Variants in MRPS30 observed in about 807,000 individuals in gnomAD.
MRPS30 encodes the protein mitochondrial ribosomal protein S30.
A neutral mutation model predicts 43.8 loss-of-function variants in MRPS30; 42 were observed. The observed-to-expected ratio is 0.96, with a 90% confidence interval of 0.75 to 1.24. The LOEUF is 1.24. Ranked by LOEUF, MRPS30 falls within the 50% of genes most tolerant of loss-of-function variation. The pLI is 0.00. For missense variants in MRPS30, 638 were observed against 570.0 expected, an observed-to-expected ratio of 1.12 and a Z score of -1.22; for synonymous variants, 273 against 228.2, an observed-to-expected ratio of 1.20 and a Z score of -1.77.
Position 44,813,132 on chromosome 5 carries a change from T to TA in MRPS30, c.881dup (p.Tyr294Ter). 1.2e-6 allele frequency: 2 copies of TA among 1,613,260 alleles called. No homozygotes were observed. The highest frequency in any genetic ancestry group is 1.7e-6 in the Non-Finnish European group (2 of 1,179,674). Residue 294 changes from tyrosine (Y) to a stop codon, truncating the protein, a stop_gained and frameshift_variant, in exon 4 of 5, where the codon TAC becomes TAAC. Transcript: ENST00000507110. LOFTEE classifies it high-confidence loss of function. ...CTCAAAAACTGCAGATCCTTGCTGTTACGGTCACACCCAGTTTCATCTGTT... is the reference window on the plus strand; with the variant it reads ...CTCAAAAACTGCAGATCCTTGCTGTTAACGGTCACACCCAGTTTCATCTGTT... ...VGSKTADPCC[Y>*]GHTQFHLLPD...
In MRPS30 at chr5:44,809,552, C is replaced by T. The variant is rs756545235; in HGVS notation, c.590C>T (p.Ala197Val). Residue 197 changes from alanine to valine, a missense_variant, in exon 1 of 5, where the codon GCT becomes GTT. Transcript: ENST00000507110. ...LLSPHNPALA[A>V]AALDYRCPVH... Reference sequence around the variant, plus strand: ...AGCCCACACAACCCGGCCCTGGCCGCTGCCGCCCTCGGTGAGCCTTGGATT... The same window carrying T: ...AGCCCACACAACCCGGCCCTGGCCGTTGCCGCCCTCGGTGAGCCTTGGATT... 14 of 1,596,112 alleles carry T rather than the reference C, an allele frequency of 8.8e-6. No individual in the cohort carries two copies. The highest frequency in any genetic ancestry group is 1.2e-5 in the Non-Finnish European group (14 of 1,171,434).
At position 44,814,980 on chromosome 5, in the gene MRPS30, C is replaced by T. The variant is rs1482417567; in HGVS notation, c.1098C>T (p.Tyr366=). Residue 366 remains tyrosine (Y), a synonymous_variant, in exon 5 of 5, where the codon TAC becomes TAT. Transcript: ENST00000507110. The stretch of plus-strand genomic sequence containing the variant: ...AGGCTGTGATCACAGATGGAAAATA[C>T]TTTTCCTTTTTCTGCTACCAGCTAA... The part of the protein sequence containing the change: ...VSQAVITDGK[Y]FSFFCYQLNT... 1.2e-6 allele frequency: 2 copies of T among 1,613,632 alleles called. No homozygotes were observed. Among genetic ancestry groups the T allele is most frequent in the Non-Finnish European group, 1.7e-6 (2 of 1,179,632 alleles).
At chr5:44,810,857 A>G (rs1742828921) in intron 1 of MRPS30, 152 bp from the exon 2 acceptor site, 1 of 618,010 alleles carries the variant, frequency 1.6e-6, no homozygotes, top group Non-Finnish European at 2.7e-6. Flanking sequence ...GTTATATTTA[A>G]GTCATAATAG....
chr5:44,810,435 A>G (rs1383526254), intron 1 of MRPS30, among the ~76,000 whole-genome samples: 1 of 152,186 alleles, frequency 6.6e-6, no homozygotes, highest in Non-Finnish European at 1.5e-5. Context: ...TCATTATTTT[A>G]TATCTTCTAC....
At position 44,809,139 on chromosome 5, in the gene MRPS30, G is replaced by T. The variant is rs768731374; in HGVS notation, c.177G>T (p.Arg59=). The change falls in exon 1 of 5, where the codon CGG becomes CGT. Residue 59 remains arginine, a synonymous_variant. Transcript: ENST00000507110. ...TGACAGCCGACAGCAAAGCTGCACG[G>T]CTGCGGCGGATCGAGCGCTGGCAGG... ...ASMTADSKAA[R]LRRIERWQAT... 1.2e-5 allele frequency: 19 copies of T among 1,611,740 alleles called. No individual in the cohort carries two copies. The highest frequency in any genetic ancestry group is 1.6e-5 in the Non-Finnish European group (19 of 1,179,496).
At chr5:44,814,762 T>A (rs1284579630) in intron 4 of MRPS30, 151 bp from the exon 5 acceptor site, 2 of 676,826 alleles carry the variant, frequency 3.0e-6, no homozygotes, top group African/African-American at 1.8e-5. Flanking sequence ...AGAATAGAGA[T>A]GATAAGGAAA....
intron 3 of MRPS30, 117 bp downstream of exon 3, chr5:44,812,137 T>C (rs1392715828): frequency 5.4e-6 from 3 of 551,030 alleles, no homozygotes; most frequent in Non-Finnish European, 9.4e-6. Context: ...TTACATAGTC[T>C]ATGAGCAATA....
At chr5:44,810,208 G>A (rs1344990258) in intron 1 of MRPS30, among the ~76,000 whole-genome samples, 1 of 151,912 alleles carries the variant, frequency 6.6e-6, no homozygotes, top group Non-Finnish European at 1.5e-5. Context: ...GCAATGTTTT[G>A]GTAAATGAAA....
In MRPS30 at chr5:44,812,027, TTC is replaced by T. The variant is rs543225240; in HGVS notation, c.853+11_853+12del. ...GAAAACCACATATTTGTTGGTAAGT[TTC>T]TCTTTTGACATATTGTACCATAAAT... On this transcript the variant is annotated splice_region_variant and intron_variant, in intron 3 of 4. Transcript: ENST00000507110. 9.5e-5 allele frequency: 148 copies of T among 1,556,518 alleles called. No homozygotes were observed. In the East Asian group the frequency reaches 3.3e-3, roughly 35 times the overall value.
At position 44,811,914 on chromosome 5, in the gene MRPS30, G is replaced by C. The variant is rs1416076056; in HGVS notation, c.748-1G>C. 9.2e-6 allele frequency: 14 copies of C among 1,514,750 alleles called. No homozygotes were observed. Among genetic ancestry groups the C allele is most frequent in the Admixed American group, 2.1e-5 (1 of 47,668 alleles). 93.8% of individuals were successfully genotyped at this position (1,514,750 alleles called of 1,614,324 possible). A position where few individuals can be genotyped will look rare whatever the true frequency, so the allele number is the denominator to read the frequency against. Reference sequence around the variant, plus strand: ...TAGTATGTCTTTTCTTTTTCTTTAAGTTTGTGCCATTGGATTATTCTGTTC... The same window carrying C: ...TAGTATGTCTTTTCTTTTTCTTTAACTTTGTGCCATTGGATTATTCTGTTC... On this transcript the variant is annotated splice_acceptor_variant, in intron 2 of 4. Coordinates refer to ENST00000507110, the MANE Select transcript of MRPS30 (RefSeq NM_016640.4). LOFTEE classifies it high-confidence loss of function.
intron 1 of MRPS30, chr5:44,809,866 T>A: frequency 2.8e-6 from 1 of 355,656 alleles, no homozygotes; most frequent in Non-Finnish European, 5.1e-6. Flanking sequence ...GCAGTGGTGA[T>A]GAAGAGAAAC....
intron 4 of MRPS30, among the ~76,000 whole-genome samples, 191 bp from the exon 5 acceptor site, chr5:44,814,722 A>G (rs1308004283): frequency 6.6e-6 from 1 of 152,230 alleles, no homozygotes; most frequent in African/African-American, 2.4e-5. Flanking sequence ...GGAGGAAAAT[A>G]TTATTTGTGC....
Position 44,811,764 on chromosome 5 carries a change from G to A in MRPS30, c.748-151G>A, listed in dbSNP as rs561745940. ...TAAAACTTTACTTGTAAAAACAGGT[G>A]GCTTGCTCGATTTGGCCCATCATTC... On this transcript the variant is annotated intron_variant, in intron 2 of 4. Transcript: ENST00000507110. 3.5e-5 allele frequency: 18 copies of A among 521,684 alleles called. No individual in the cohort carries two copies. In the South Asian group the frequency reaches 4.4e-4, roughly 13 times the overall value. The allele number at this position is 521,684 out of a possible 1,614,324, so 32.3% of individuals were successfully genotyped here.
rs1482766417 is a variant in MRPS30 at position 44,815,312 on chromosome 5, T to C, written c.*110T>C. 4.0e-6 allele frequency: 4 copies of C among 997,830 alleles called. No individual in the cohort carries two copies. In the South Asian group the frequency reaches 5.5e-5, roughly 14 times the overall value. The allele number at this position is 997,830 out of a possible 1,614,324, so 61.8% of individuals were successfully genotyped here. ...TAAATACATTGATTTTTGAGACAAA[T>C]ATTTCTTATGTCAACCTGTTATTAG... On this transcript the variant is annotated 3_prime_UTR_variant, in exon 5 of 5. Coordinates refer to ENST00000507110, the MANE Select transcript of MRPS30 (RefSeq NM_016640.4).
Position 44,815,309 on chromosome 5 carries a change from A to C in MRPS30, c.*107A>C. 9.6e-7 allele frequency: 1 copy of C among 1,037,394 alleles called. No homozygotes were observed. The highest frequency in any genetic ancestry group is 2.5e-5 in the East Asian group (1 of 39,992). 64.3% of individuals were successfully genotyped at this position (1,037,394 alleles called of 1,614,324 possible). On this transcript the variant is annotated 3_prime_UTR_variant, in exon 5 of 5. Coordinates refer to ENST00000507110, the MANE Select transcript of MRPS30 (RefSeq NM_016640.4). Reference sequence around the variant, plus strand: ...TATTAAATACATTGATTTTTGAGACAAATATTTCTTATGTCAACCTGTTAT... The same window carrying C: ...TATTAAATACATTGATTTTTGAGACCAATATTTCTTATGTCAACCTGTTAT...
At position 44,814,833 on chromosome 5, in the gene MRPS30, C is replaced by A. The variant is rs940112212; in HGVS notation, c.1031-80C>A. On this transcript the variant is annotated intron_variant, in intron 4 of 4. Transcript: ENST00000507110. Reference sequence around the variant, plus strand: ...TCTAAGTTGTAGGAGGTATTTGATACCCTCTAATGTCTAATGTGATTGTTT... The same window carrying A: ...TCTAAGTTGTAGGAGGTATTTGATAACCTCTAATGTCTAATGTGATTGTTT... 2.3e-6 allele frequency: 3 copies of A among 1,298,842 alleles called. No homozygotes were observed. The East Asian group carries it at 7.0e-5, about 30-fold the overall frequency. The allele number at this position is 1,298,842 out of a possible 1,614,324, so 80.5% of individuals were successfully genotyped here.
Position 44,809,579 on chromosome 5 carries a change from C to T in MRPS30, c.601+16C>T. 1 of 1,567,588 alleles carries T rather than the reference C, an allele frequency of 6.4e-7. No individual in the cohort carries two copies. Among genetic ancestry groups the T allele is most frequent in the Non-Finnish European group, 8.6e-7 (1 of 1,159,196 alleles). ...GCCGCCCTCGGTGAGCCTTGGATTC[C>T]GCCCCAGGGCGGAAGGGAGAGATGG... On this transcript the variant is annotated intron_variant, in intron 1 of 4. Coordinates refer to ENST00000507110, the MANE Select transcript of MRPS30 (RefSeq NM_016640.4).
chr5:44,808,969 G>A lies in MRPS30; in HGVS notation c.7G>A (p.Ala3Thr), dbSNP rs1017075752. The change falls in exon 1 of 5, where the codon GCG (alanine) becomes ACG (threonine). Residue 3 changes from alanine to threonine, a missense_variant. Ala to Thr is a moderately conservative substitution (Grantham distance 58). Coordinates refer to ENST00000507110, the MANE Select transcript of MRPS30 (RefSeq NM_016640.4). Reference protein sequence around the residue: MAAARCWRPLLRG... With the variant: MATARCWRPLLRG... The stretch of plus-strand genomic sequence containing the variant: ...TCCGGAATCGCGGGCAAAGATGGCG[G>A]CGGCCAGGTGTTGGAGGCCTTTGCT... 1 of 1,592,702 alleles carries A rather than the reference G, an allele frequency of 6.3e-7. No individual in the cohort carries two copies. The highest frequency in any genetic ancestry group is 1.1e-5 in the South Asian group (1 of 87,874).
rs1271824839 is a variant in MRPS30 at position 44,815,167 on chromosome 5, C to A, written c.1285C>A (p.Pro429Thr). 3 of 1,593,168 alleles carry A rather than the reference C, an allele frequency of 1.9e-6. No homozygotes were observed. The highest frequency in any genetic ancestry group is 2.6e-6 in the Non-Finnish European group (3 of 1,172,386). The change falls in exon 5 of 5, where the codon CCA (proline) becomes ACA (threonine). Residue 429 changes from proline to threonine, a missense_variant. Physicochemically the swap from Pro to Thr is conservative, Grantham distance 38. Coordinates refer to ENST00000507110, the MANE Select transcript of MRPS30 (RefSeq NM_016640.4). ...LQIVHFLLNR[P>T]KEEKSQLLEN is the part of the protein sequence containing the mutation. ...GATAGTTCACTTTCTACTGAATAGA[C>A]CAAAAGAAGAAAAATCACAGCTGTT...
Sources: gnomAD v4.1 joint callset for allele counts (sites outside exome capture counted in the v4.1 genomes callset) on GRCh38, gnomAD v4.1.1 for gene constraint, MANE v1.5 for transcripts, NCBI Gene and HGNC (gene_info 2026-07-23, HGNC 2026-07-21) for gene names.